Variants in AGAP1 observed in about 807,000 individuals in gnomAD.
AGAP1 encodes arf-GAP with GTPase, ANK repeat and PH domain-containing protein 1.
Under a neutral mutation model 105.3 loss-of-function variants are expected in AGAP1, and 29 were observed. The ratio of observed to expected loss-of-function variants is 0.28; its 90% CI spans 0.21 to 0.38. The LOEUF (loss-of-function observed/expected upper bound fraction) is 0.38, where lower values mean the gene tolerates loss of function less well. Ranked by LOEUF, AGAP1 falls within the 10% of genes least tolerant of loss-of-function variation. The probability of loss-of-function intolerance (pLI) is 1.00; values close to 1 mark genes in which losing one functional copy is unlikely to be tolerated. For missense variants in AGAP1, 998 were observed against 1,165.1 expected (o/e 0.86, Z 2.09); for synonymous variants, 509 against 485.9 (o/e 1.05, Z -0.63).
rs2059457417 is a variant in AGAP1, at chr2:236,105,340, G to T, written c.2115-14852G>T. On this transcript the variant is annotated intron_variant, in intron 16 of 17. Transcript: ENST00000304032. The surrounding 1 kb of genome is among the most constrained non-coding windows in gnomAD (Gnocchi z 4.2). ...AAGATGGGCGGAGCGGGGGACCAAG[G>T]ACAGAGAGGAAGACAAAGGCTCTGT... Among the ~76,000 whole-genome samples the T allele has an allele frequency of 6.6e-6, 1 of 152,068 alleles. No homozygotes were observed. Among genetic ancestry groups the T allele is most frequent in the Admixed American group, 6.6e-5 (1 of 15,262 alleles).
At chr2:235,819,018 C>T (rs1958624616) in intron 9 of AGAP1, among the ~76,000 whole-genome samples, 1 of 152,200 alleles carries the variant, frequency 6.6e-6, no homozygotes, top group South Asian at 2.1e-4. Flanking sequence ...AGATGAGGTC[C>T]TTGAGCTCCA....
intron 1 of AGAP1, among the ~76,000 whole-genome samples, chr2:235,514,620 G>A (rs186759208): frequency 6.6e-6 from 1 of 152,258 alleles, no homozygotes; most frequent in African/African-American, 2.4e-5. Context: ...TCACAACCCA[G>A]CTCAGGAGTC....
intron 3 of AGAP1, among the ~76,000 whole-genome samples, chr2:235,735,037 C>T (rs894944901): frequency 8.1e-6 from 1 of 123,520 alleles, no homozygotes; most frequent in African/African-American, 2.6e-5. Flanking sequence ...CCGTGGAGCT[C>T]TTGCTCTGTG....
In AGAP1 at chr2:236,095,645, T is replaced by A. The variant is rs780409102; in HGVS notation, c.2115-24547T>A. Among the ~76,000 whole-genome samples the A allele has an allele frequency of 2.0e-5, 3 of 152,250 alleles. No individual in the cohort carries two copies. The highest frequency in any genetic ancestry group is 2.9e-5 in the Non-Finnish European group (2 of 68,042). ...GGCAGTGCTTACAGTGTTGTGGTAA[T>A]GTACTTTGATGGAGTCAAGTTTGCA... is the stretch of plus-strand genomic sequence containing the variant. On this transcript the variant is annotated intron_variant, in intron 16 of 17. Transcript: ENST00000304032. The surrounding 1 kb of genome is among the most constrained non-coding windows in gnomAD (Gnocchi z 4.1).
At chr2:235,647,869 G>A (rs919078243) in intron 1 of AGAP1, among the ~76,000 whole-genome samples, 3 of 152,056 alleles carry the variant, frequency 2.0e-5, no homozygotes, top group African/African-American at 4.8e-5. Flanking sequence ...TCTCTTCCTT[G>A]TCCTTACTGT....
chr2:235,558,225 A>G (rs1326753832), intron 1 of AGAP1, among the ~76,000 whole-genome samples: 1 of 152,120 alleles, frequency 6.6e-6, no homozygotes, highest in East Asian at 1.9e-4. Flanking sequence ...TGGGATGCTC[A>G]GTGGAGATGG....
chr2:235,780,101 T>TG lies in AGAP1; in HGVS notation c.674-17650dup, dbSNP rs201919305. Among the ~76,000 whole-genome samples, 293 of 151,850 alleles carry TG rather than the reference T, an allele frequency of 1.9e-3. 1 individual carries two copies. The highest frequency in any genetic ancestry group is 4.3e-3 in the East Asian group (22 of 5,160). ...TGTTTGAAATAGGAGGTGACATTCC[T>TG]GGGGGGGGCTGCCCCTCCCACCTCC... On this transcript the variant is annotated intron_variant, in intron 6 of 17. Coordinates refer to ENST00000304032, the MANE Select transcript of AGAP1 (RefSeq NM_001037131.3).
At chr2:235,894,241 C>T (rs1350501986) in intron 10 of AGAP1, among the ~76,000 whole-genome samples, 2 of 152,182 alleles carry the variant, frequency 1.3e-5, no homozygotes, top group African/African-American at 2.4e-5. Context: ...TGGCAGGAGT[C>T]AGCTCGGGGG....
rs2053994413 is a variant in AGAP1, at chr2:235,957,368, C to T, written c.1484-11094C>T. On this transcript the variant is annotated intron_variant, in intron 12 of 17. Coordinates refer to ENST00000304032, the MANE Select transcript of AGAP1 (RefSeq NM_001037131.3). The surrounding 1 kb of genome is among the most constrained non-coding windows in gnomAD (Gnocchi z 4.6). ...CTGGCTCCTCCTATTGTATTCCTTT[C>T]CTCCCCGTTTTTATAACTCAGTCTA... Among the ~76,000 whole-genome samples the T allele has an allele frequency of 6.6e-6, 1 of 152,180 alleles. No individual in the cohort carries two copies. The highest frequency in any genetic ancestry group is 6.5e-5 in the Admixed American group (1 of 15,278).
chr2:235,741,117 G>A lies in AGAP1; in HGVS notation c.396+69G>A. ...TTTTCTAAGGTTTGATTCAAGAAGT[G>A]CTTCTAGAAATCGGTGACTTGGTTT... On this transcript the variant is annotated intron_variant, in intron 4 of 17. Transcript: ENST00000304032. The surrounding 1 kb of genome is among the most constrained non-coding windows in gnomAD (Gnocchi z 4.9). 1 of 1,334,062 alleles carries A rather than the reference G, an allele frequency of 7.5e-7. No individual in the cohort carries two copies. Among genetic ancestry groups the A allele is most frequent in the Non-Finnish European group, 1.0e-6 (1 of 994,276 alleles). The allele number at this position is 1,334,062 out of a possible 1,614,324, so 82.6% of individuals were successfully genotyped here.
chr2:235,539,574 C>G lies in AGAP1; in HGVS notation c.163+44725C>G, dbSNP rs185313204. On this transcript the variant is annotated intron_variant, in intron 1 of 17. Transcript: ENST00000304032. The stretch of plus-strand genomic sequence containing the variant: ...CTCTTTCACCTCCTCTCCCATATTT[C>G]CCCTCTAGGGTGGGAGGAAGGAGAC... Among the ~76,000 whole-genome samples, 730 of 152,274 alleles carry G rather than the reference C, an allele frequency of 4.8e-3. 5 individuals carry two copies. Among genetic ancestry groups the G allele is most frequent in the African/African-American group, 0.016 (665 of 41,558 alleles).
intron 16 of AGAP1, among the ~76,000 whole-genome samples, chr2:236,070,074 G>T (rs146918323): frequency 1.2e-4 from 18 of 152,248 alleles, no homozygotes; most frequent in Admixed American, 3.9e-4. Context: ...TGCTGGCTGT[G>T]GCGCTGTATG....
Position 235,720,741 on chromosome 2 carries a change from G to C in AGAP1, c.310+3097G>C, listed in dbSNP as rs576925745. ...TGAGTATCCTTTATGTCATAATCCT[G>C]ACCCGTGGCTGGGATATGTAGACTG... On this transcript the variant is annotated intron_variant, in intron 3 of 17. Transcript: ENST00000304032. This position sits in a 1 kb window ranked among gnomAD's most constrained non-coding sequence, Gnocchi z 5.0. 5.1e-6 allele frequency: 5 copies of C among 982,786 alleles called. No individual in the cohort carries two copies. In the South Asian group the frequency reaches 2.4e-4, roughly 46 times the overall value. The allele number at this position is 982,786 out of a possible 1,614,324, so 60.9% of individuals were successfully genotyped here.
At chr2:235,634,967 T>TC (rs754031200) in intron 1 of AGAP1, among the ~76,000 whole-genome samples, 11 of 150,836 alleles carry the variant, frequency 7.3e-5, no homozygotes, top group East Asian at 3.9e-4. Context: ...ACCCTCAGCC[T>TC]CCCCCCCGCT....
intron 9 of AGAP1, among the ~76,000 whole-genome samples, chr2:235,811,843 A>G (rs1958158369): frequency 1.3e-5 from 2 of 152,216 alleles, no homozygotes; most frequent in African/African-American, 2.4e-5. Context: ...TGGGAAAAAC[A>G]TTGCCTACGA....
Position 235,751,140 on chromosome 2 carries a change from G to C in AGAP1, c.673+652G>C, listed in dbSNP as rs1225780097. ...ATACTTGTGGATGATCATAGCGCCA[G>C]ACGTCGTCTATGAGAGAGGAGCCTG... On this transcript the variant is annotated intron_variant, in intron 6 of 17. Coordinates refer to ENST00000304032, the MANE Select transcript of AGAP1 (RefSeq NM_001037131.3). The surrounding 1 kb of genome is among the most constrained non-coding windows in gnomAD (Gnocchi z 5.3). 6.6e-6 allele frequency among the ~76,000 whole-genome samples: 1 copy of C among 152,184 alleles called. No homozygotes were observed. Among genetic ancestry groups the C allele is most frequent in the Non-Finnish European group, 1.5e-5 (1 of 68,040 alleles).
In AGAP1 at chr2:235,639,248, G is replaced by C. The variant is rs953115926; in HGVS notation, c.164-69931G>C. Among the ~76,000 whole-genome samples the C allele has an allele frequency of 3.3e-5, 5 of 152,162 alleles. No homozygotes were observed. The highest frequency in any genetic ancestry group is 5.9e-5 in the Non-Finnish European group (4 of 68,022). ...AGTCTGTGGTTCCCAGGGAGCAGCT[G>C]AGTAGGCTGTTGGGTGAGTGGTTCT... On this transcript the variant is annotated intron_variant, in intron 1 of 17. Coordinates refer to ENST00000304032, the MANE Select transcript of AGAP1 (RefSeq NM_001037131.3). The surrounding 1 kb of genome is among the most constrained non-coding windows in gnomAD (Gnocchi z 5.3).
intron 1 of AGAP1, among the ~76,000 whole-genome samples, chr2:235,537,433 G>T (rs1479600993): frequency 2.0e-5 from 3 of 152,192 alleles, no homozygotes; most frequent in Admixed American, 2.0e-4. Flanking sequence ...GGTGGTGTGG[G>T]GCCTCATGGA....
At chr2:235,917,072 T>G (rs1010828055) in intron 11 of AGAP1, among the ~76,000 whole-genome samples, 1 of 152,220 alleles carries the variant, frequency 6.6e-6, no homozygotes, top group Admixed American at 6.5e-5. Flanking sequence ...AGTGTGTCTT[T>G]GTTGGGTTTT....
Sources: allele counts gnomAD v4.1 joint callset (sites outside exome capture counted in the v4.1 genomes callset), GRCh38; gene constraint gnomAD v4.1.1; non-coding constraint Gnocchi (gnomAD v3.1); transcripts MANE v1.5; gene names NCBI Gene and HGNC (gene_info 2026-07-23, HGNC 2026-07-21).